RIMBP2: variants seen among roughly 807,000 people sequenced by gnomAD.
RIMBP2 encodes RIMS-binding protein 2.
A neutral mutation model predicts 118.6 loss-of-function variants in RIMBP2; 48 were observed. The observed-to-expected ratio is 0.40, with a 90% confidence interval of 0.32 to 0.51. The LOEUF is 0.51. Among genes scored for constraint, RIMBP2 ranks in the 20% least tolerant of loss-of-function variants. The probability of loss-of-function intolerance (pLI) is 0.41; values close to 1 mark genes in which losing one functional copy is unlikely to be tolerated. For synonymous variants in RIMBP2, 762 were observed against 742.9 expected (o/e 1.03, Z -0.42); for missense variants, 1,551 against 1,768.3 (o/e 0.88, Z 2.20).
At chr12:130,677,356 A>G (rs1392253874) in intron 1 of RIMBP2, among the ~76,000 whole-genome samples, 1 of 152,186 alleles carries the variant, frequency 6.6e-6, no homozygotes, top group Non-Finnish European at 1.5e-5. Flanking sequence ...GGCCGGGTGC[A>G]GTGGCTCACA....
rs559579263 is a variant in RIMBP2, at chr12:130,599,777, T to C, written c.-217+28545A>G. ...AATGTTAAATGCACACCTACGTATA[T>C]CCAGCCATTTCATCACTACATTTTC... On this transcript the variant is annotated intron_variant, in intron 2 of 22. Coordinates refer to ENST00000690449, the MANE Select transcript of RIMBP2 (RefSeq NM_001393629.1). 5.9e-5 allele frequency among the ~76,000 whole-genome samples: 9 copies of C among 152,338 alleles called. No homozygotes were observed. In the South Asian group the frequency reaches 1.7e-3, roughly 28 times the overall value.
chr12:130,613,349 C>T (rs1036649491), intron 2 of RIMBP2, among the ~76,000 whole-genome samples: 9 of 152,208 alleles, frequency 5.9e-5, no homozygotes, highest in African/African-American at 9.6e-5. Flanking sequence ...GCTCCTACTG[C>T]GACCTCATCG....
chr12:130,527,856 A>G (rs182892774), intron 2 of RIMBP2, among the ~76,000 whole-genome samples: 1 of 152,354 alleles, frequency 6.6e-6, no homozygotes, highest in Admixed American at 6.5e-5. Context: ...AACATCACTG[A>G]TCATTACAGA....
chr12:130,439,260 G>T (rs1397204861), intron 11 of RIMBP2, among the ~76,000 whole-genome samples: 1 of 151,958 alleles, frequency 6.6e-6, no homozygotes, highest in African/African-American at 2.4e-5. Flanking sequence ...ATATGTACAT[G>T]TGTATGTGTG....
intron 1 of RIMBP2, among the ~76,000 whole-genome samples, chr12:130,631,877 T>C (rs1290220796): frequency 2.0e-5 from 3 of 152,200 alleles, no homozygotes; most frequent in African/African-American, 7.2e-5. Context: ...TAAACTACTG[T>C]TGCAGCACAA....
intron 1 of RIMBP2, among the ~76,000 whole-genome samples, chr12:130,638,203 G>A (rs375520367): frequency 1.1e-4 from 17 of 152,286 alleles, no homozygotes; most frequent in East Asian, 7.7e-4. Context: ...AATAGACACC[G>A]ATTAAGTTCA....
intron 2 of RIMBP2, among the ~76,000 whole-genome samples, chr12:130,553,035 C>T (rs1368639499): frequency 6.6e-6 from 1 of 151,998 alleles, no homozygotes; most frequent in African/African-American, 2.4e-5. Flanking sequence ...TGCCTGTAGT[C>T]CCAGCTACTT....
intron 2 of RIMBP2, among the ~76,000 whole-genome samples, chr12:130,605,881 T>G (rs2060151855): frequency 6.6e-6 from 1 of 152,170 alleles, no homozygotes; most frequent in South Asian, 2.1e-4. Flanking sequence ...CTGATCTACG[T>G]GGTAAAACCC....
chr12:130,517,220 A>G (rs2051561843), intron 3 of RIMBP2, among the ~76,000 whole-genome samples: 1 of 152,118 alleles, frequency 6.6e-6, no homozygotes, highest in Admixed American at 6.5e-5. Flanking sequence ...GAAGAGGAAG[A>G]GAGCCCTGAG....
intron 1 of RIMBP2, among the ~76,000 whole-genome samples, chr12:130,700,319 C>T (rs1368010389): frequency 6.6e-6 from 1 of 152,160 alleles, no homozygotes; most frequent in Non-Finnish European, 1.5e-5. Context: ...TCTAAGACAC[C>T]AGCCACACCC....
In RIMBP2 at chr12:130,431,248, C is replaced by T. The variant is rs577513355; in HGVS notation, c.2254-2911G>A. 2.3e-4 allele frequency among the ~76,000 whole-genome samples: 35 copies of T among 152,134 alleles called. No homozygotes were observed. The highest frequency in any genetic ancestry group is 4.1e-4 in the Non-Finnish European group (28 of 68,028). ...TACCGTAGTCAACTAAAAGTGGAGG[C>T]TTCCACCCACTAGAACATCGGTGTC... is the stretch of plus-strand genomic sequence containing the variant. On this transcript the variant is annotated intron_variant, in intron 14 of 22. Transcript: ENST00000690449. This position sits in a 1 kb window ranked among gnomAD's most constrained non-coding sequence, Gnocchi z 4.0.
At chr12:130,559,985 AGAGAGGGAAACT>A (rs747603463) in intron 2 of RIMBP2, among the ~76,000 whole-genome samples, 6 of 152,218 alleles carry the variant, frequency 3.9e-5, no homozygotes, top group Non-Finnish European at 5.9e-5. Context: ...CCCAGTTTAC[AGAGAGGGAAACT>A]GAGAATGGGA....
chr12:130,670,576 G>A lies in RIMBP2; in HGVS notation c.-351-42120C>T, dbSNP rs117064901. On this transcript the variant is annotated intron_variant, in intron 1 of 22. Coordinates refer to ENST00000690449, the MANE Select transcript of RIMBP2 (RefSeq NM_001393629.1). This position sits in a 1 kb window ranked among gnomAD's most constrained non-coding sequence, Gnocchi z 4.9. ...AGGTCTCAACATAAAGTTTACACTT[G>A]TTCAGCACCATGAAGCCGCCAGTCC... Among the ~76,000 whole-genome samples, 3 of 152,174 alleles carry A rather than the reference G, an allele frequency of 2.0e-5. No individual in the cohort carries two copies. Among genetic ancestry groups the A allele is most frequent in the Non-Finnish European group, 4.4e-5 (3 of 68,014 alleles).
chr12:130,447,641 G>A lies in RIMBP2; in HGVS notation c.582-2372C>T, dbSNP rs149431367. ...TGTGAGCACAGCAGTGGCCCTGGGC[G>A]GCACACTGCAAGTGGGTGAACTGTG... On this transcript the variant is annotated intron_variant, in intron 9 of 22. Transcript: ENST00000690449. The surrounding 1 kb of genome is among the most constrained non-coding windows in gnomAD (Gnocchi z 4.4). 8.5e-5 allele frequency among the ~76,000 whole-genome samples: 13 copies of A among 152,280 alleles called. No individual in the cohort carries two copies. The highest frequency in any genetic ancestry group is 2.2e-4 in the African/African-American group (9 of 41,554).
At chr12:130,636,453 C>T (rs1340049753) in intron 1 of RIMBP2, among the ~76,000 whole-genome samples, 1 of 152,140 alleles carries the variant, frequency 6.6e-6, no homozygotes, top group Non-Finnish European at 1.5e-5. Flanking sequence ...AGCTGAATCA[C>T]CTTGAACACT....
chr12:130,479,996 C>G (rs886111202), intron 4 of RIMBP2, among the ~76,000 whole-genome samples: 1 of 151,900 alleles, frequency 6.6e-6, no homozygotes, highest in Non-Finnish European at 1.5e-5. Context: ...ATGAAGCTCA[C>G]AGCAGTGACC....
At chr12:130,560,585 G>T (rs7975553) in intron 2 of RIMBP2, among the ~76,000 whole-genome samples, 1 of 152,010 alleles carries the variant, frequency 6.6e-6, no homozygotes, top group South Asian at 2.1e-4. Context: ...CATGGGTTAC[G>T]CTTTCCCCAT....
intron 1 of RIMBP2, among the ~76,000 whole-genome samples, chr12:130,679,424 C>T (rs908972349): frequency 3.3e-5 from 5 of 152,190 alleles, no homozygotes; most frequent in African/African-American, 1.2e-4. Context: ...TTGGAGAAAC[C>T]ATTAGTCTCA....
At position 130,703,566 on chromosome 12, in the gene RIMBP2, G is replaced by T. The variant is rs1034124329; in HGVS notation, c.-352+12656C>A. Reference sequence around the variant, plus strand: ...AGCCGCAGTCTGAGGGCCGGGCCCTGGCATGGGCTCCATCAGATCCCGTAA... The same window carrying T: ...AGCCGCAGTCTGAGGGCCGGGCCCTTGCATGGGCTCCATCAGATCCCGTAA... On this transcript the variant is annotated intron_variant, in intron 1 of 22. Transcript: ENST00000690449. This position sits in a 1 kb window ranked among gnomAD's most constrained non-coding sequence, Gnocchi z 5.7. Among the ~76,000 whole-genome samples the T allele has an allele frequency of 3.3e-5, 5 of 152,186 alleles. No homozygotes were observed. The highest frequency in any genetic ancestry group is 7.3e-5 in the Non-Finnish European group (5 of 68,040).
Sources: gnomAD v4.1 joint callset for allele counts (sites outside exome capture counted in the v4.1 genomes callset) on GRCh38, gnomAD v4.1.1 for gene constraint, Gnocchi (gnomAD v3.1) non-coding constraint, MANE v1.5 for transcripts, NCBI Gene and HGNC (gene_info 2026-07-23, HGNC 2026-07-21) for gene names.